WIPF3: variants seen among roughly 807,000 people sequenced by gnomAD.
WIPF3 encodes WAS/WASL interacting protein family member 3.
A neutral mutation model predicts 38.9 loss-of-function variants in WIPF3; 33 were observed. The observed-to-expected ratio is 0.85, with a 90% CI of 0.64 to 1.14. The LOEUF is 1.14. Ranked by LOEUF, WIPF3 falls within the 50% of genes most tolerant of loss-of-function variation. WIPF3 has a pLI of 0.00. For missense variants in WIPF3, 711 were observed against 652.5 expected, an observed-to-expected ratio of 1.09 and a Z score of -0.98; for synonymous variants, 324 against 269.3, an observed-to-expected ratio of 1.20 and a Z score of -1.99.
At chr7:29,815,367 A>G (rs756223696) in intron 1 of WIPF3, among the ~76,000 whole-genome samples, 1 of 152,188 alleles carries the variant, frequency 6.6e-6, no homozygotes, top group East Asian at 1.9e-4. Context: ...CCAAATGTGT[A>G]TGTCTTGAGG....
chr7:29,839,376 A>G (rs1452456720), intron 2 of WIPF3, among the ~76,000 whole-genome samples: 2 of 152,224 alleles, frequency 1.3e-5, no homozygotes, highest in African/African-American at 4.8e-5. Flanking sequence ...TTGTGGGGGA[A>G]AAAGATGTTC....
At chr7:29,865,203 G>C (rs1364972291) in intron 2 of WIPF3, among the ~76,000 whole-genome samples, 2 of 152,150 alleles carry the variant, frequency 1.3e-5, no homozygotes, top group African/African-American at 4.8e-5. Flanking sequence ...TCCCAACCGA[G>C]GTGATGGGAC....
intron 1 of WIPF3, among the ~76,000 whole-genome samples, chr7:29,813,855 C>A (rs1298826321): frequency 6.6e-6 from 1 of 152,064 alleles, no homozygotes; most frequent in Non-Finnish European, 1.5e-5. Flanking sequence ...AACCACTAAT[C>A]TATTTTTTAT....
intron 2 of WIPF3, among the ~76,000 whole-genome samples, chr7:29,857,559 A>G (rs1346088642): frequency 3.3e-5 from 5 of 152,000 alleles, no homozygotes; most frequent in Non-Finnish European, 5.9e-5. Flanking sequence ...CCACCAATTC[A>G]AGGAGAAGAC....
intron 8 of WIPF3, 74 bp downstream of exon 8, chr7:29,904,436 GCTTTCTCCTAAA>G (rs1786352359): frequency 1.4e-6 from 2 of 1,447,830 alleles, no homozygotes; most frequent in Non-Finnish European, 1.9e-6. Flanking sequence ...GTAAGGGTAT[GCTTTCTCCTAAA>G]CAGCTTTATA....
chr7:29,854,591 T>C (rs1225272617), intron 2 of WIPF3, among the ~76,000 whole-genome samples: 1 of 152,174 alleles, frequency 6.6e-6, no homozygotes, highest in African/African-American at 2.4e-5. Context: ...CAGACTCCCC[T>C]GCAGCAGAAG....
At chr7:29,819,935 G>T (rs540203355) in intron 1 of WIPF3, among the ~76,000 whole-genome samples, 1 of 152,090 alleles carries the variant, frequency 6.6e-6, no homozygotes, top group South Asian at 2.1e-4. Flanking sequence ...CTAATATATA[G>T]TCCCTTCTGT....
chr7:29,874,322 C>T (rs1785548429), intron 2 of WIPF3, among the ~76,000 whole-genome samples: 1 of 152,048 alleles, frequency 6.6e-6, no homozygotes, highest in Admixed American at 6.6e-5. Context: ...ACAAAACAGA[C>T]AGAATATTTT....
chr7:29,907,079 G>A (rs546493225), intron 8 of WIPF3, among the ~76,000 whole-genome samples: 68 of 152,300 alleles, frequency 4.5e-4, no homozygotes, highest in African/African-American at 1.6e-3. Context: ...GCTGTAGGAA[G>A]AAACAATGAC....
chr7:29,872,235 C>T (rs1785508478), intron 2 of WIPF3, among the ~76,000 whole-genome samples: 1 of 152,152 alleles, frequency 6.6e-6, no homozygotes, highest in Admixed American at 6.6e-5. Context: ...CCTGTTTCTG[C>T]ATCCTGTAAC....
chr7:29,820,753 A>G (rs1483758414), intron 1 of WIPF3, among the ~76,000 whole-genome samples: 1 of 152,088 alleles, frequency 6.6e-6, no homozygotes, highest in Non-Finnish European at 1.5e-5. Flanking sequence ...AAACCTTTTA[A>G]TATGCTTGAC....
intron 2 of WIPF3, among the ~76,000 whole-genome samples, chr7:29,853,634 A>G (rs1017111855): frequency 1.3e-5 from 2 of 152,214 alleles, no homozygotes; most frequent in African/African-American, 4.8e-5. Flanking sequence ...CTTTTAGAGC[A>G]TGGTGATTAA....
chr7:29,815,578 G>T (rs174925), intron 1 of WIPF3, among the ~76,000 whole-genome samples: 143,157 of 152,230 alleles, frequency 0.94, 67,489 homozygotes, highest in East Asian at 1. Context: ...GATCTAGGGA[G>T]GCAGTATTTT....
At chr7:29,845,047 G>A (rs1173977729) in intron 2 of WIPF3, among the ~76,000 whole-genome samples, 1 of 133,604 alleles carries the variant, frequency 7.5e-6, no homozygotes, top group Non-Finnish European at 1.6e-5. Context: ...TTTTTTTTCT[G>A]TGTGGTTCCA....
chr7:29,828,592 G>T lies in WIPF3; in HGVS notation c.-57-6076G>T, dbSNP rs566429785. Among the ~76,000 whole-genome samples, 4 of 152,312 alleles carry T rather than the reference G, an allele frequency of 2.6e-5. No homozygotes were observed. In the East Asian group the frequency reaches 7.7e-4, roughly 29 times the overall value. ...ATAGATATGGGGCTTTTGGAAGAGG[G>T]AAGTAGGGGGTTCTGGCCAATACTG... On this transcript the variant is annotated intron_variant, in intron 1 of 8. Transcript: ENST00000242140.
chr7:29,852,236 C>T (rs185472533), intron 2 of WIPF3, among the ~76,000 whole-genome samples: 129 of 152,204 alleles, frequency 8.5e-4, no homozygotes, highest in Non-Finnish European at 1.2e-3. Context: ...AAACTCCTGG[C>T]GTCAAGCAAT....
Position 29,849,812 on chromosome 7 carries a change from T to G in WIPF3, c.90+14998T>G, listed in dbSNP as rs1006483897. 6.5e-4 allele frequency among the ~76,000 whole-genome samples: 99 copies of G among 152,330 alleles called. 1 individual carries two copies. The highest frequency in any genetic ancestry group is 2.4e-3 in the African/African-American group (98 of 41,582). Reference sequence around the variant, plus strand: ...AGACAATCAAAGGGAAAAGAGGTCTTTGGTTGTGCTAGACCTTAGCATAGG... The same window carrying G: ...AGACAATCAAAGGGAAAAGAGGTCTGTGGTTGTGCTAGACCTTAGCATAGG... On this transcript the variant is annotated intron_variant, in intron 2 of 8. Transcript: ENST00000242140.
chr7:29,887,643 T>C (rs187428744), intron 5 of WIPF3, among the ~76,000 whole-genome samples: 1 of 152,310 alleles, frequency 6.6e-6, no homozygotes, highest in East Asian at 1.9e-4. Context: ...CCTCTGGGCC[T>C]CTTCTACAGA....
At chr7:29,881,798 T>G (rs1273302606) in intron 4 of WIPF3, among the ~76,000 whole-genome samples, 1 of 152,240 alleles carries the variant, frequency 6.6e-6, no homozygotes, top group African/African-American at 2.4e-5. Flanking sequence ...AACCTGCATG[T>G]TCTAAAAGCT....
Sources: gnomAD v4.1 joint callset for allele counts (sites outside exome capture counted in the v4.1 genomes callset) on GRCh38, gnomAD v4.1.1 for gene constraint, MANE v1.5 for transcripts, NCBI Gene and HGNC (gene_info 2026-07-23, HGNC 2026-07-21) for gene names.